The following KCNQ1 variants were observed in gnomAD, a reference collection of about 807,000 sequenced individuals.
KCNQ1 encodes potassium voltage-gated channel subfamily KQT member 1.
In KCNQ1, 49 loss-of-function variants were observed where a neutral mutation model predicts 72.4. The observed-to-expected ratio is 0.68, with a 90% confidence interval of 0.54 to 0.86. KCNQ1 has a LOEUF of 0.86. KCNQ1 is among the 40% of genes least tolerant of loss of function. KCNQ1 has a pLI of 0.00. For synonymous variants in KCNQ1, 450 were observed against 412.6 expected, an observed-to-expected ratio of 1.09 and a Z score of -1.10; for missense variants, 790 against 945.1, an observed-to-expected ratio of 0.84 and a Z score of 2.15.
chr11:2,570,692 G>A lies in KCNQ1; in HGVS notation c.542G>A (p.Arg181His). Residue 181 changes from arginine (R) to histidine (H), a missense_variant, in exon 3 of 16, where the codon CGC becomes CAC. Physicochemically the swap from Arg to His is conservative, Grantham distance 29 (BLOSUM62 0). Around this residue, in one of 5 missense-constraint regions of KCNQ1, gnomAD observed 294 missense variants for 323.3 expected, o/e 0.91. Coordinates refer to ENST00000155840, the MANE Select transcript of KCNQ1 (RefSeq NM_000218.3). Reference sequence around the variant, plus strand: ...GTCCGCCTCTGGTCCGCCGGCTGCCGCAGCAAGTACGTGGGCCTCTGGGGG... The same window carrying A: ...GTCCGCCTCTGGTCCGCCGGCTGCCACAGCAAGTACGTGGGCCTCTGGGGG... The part of the protein sequence containing the change: ...YVVRLWSAGC[R>H]SKYVGLWGRL... The A allele has an allele frequency of 1.9e-6, 3 of 1,612,560 alleles. No individual in the cohort carries two copies. The highest frequency in any genetic ancestry group is 2.2e-5 in the East Asian group (1 of 44,890).
At chr11:2,604,606 G>A (rs980411014) in intron 10 of KCNQ1, among the ~76,000 whole-genome samples, 4 of 150,404 alleles carry the variant, frequency 2.7e-5, no homozygotes, top group African/African-American at 7.5e-5. Flanking sequence ...GTGCAGTGGC[G>A]CGATCTGAGC....
intron 10 of KCNQ1, chr11:2,618,111 G>T (rs1222328984): frequency 7.5e-6 from 3 of 398,330 alleles, no homozygotes; most frequent in Non-Finnish European, 1.3e-5. Context: ...CCAGAGCCAT[G>T]TCGAGCTTTT....
At chr11:2,618,849 T>A in intron 10 of KCNQ1, 1 of 398,320 alleles carries the variant, frequency 2.5e-6, no homozygotes, top group Non-Finnish European at 4.4e-6. Context: ...TCTTGTTTAA[T>A]TTCTTTCATC....
At position 2,626,208 on chromosome 11, in the gene KCNQ1, T is replaced by C. The variant is rs79694931; in HGVS notation, c.1394-35753T>C. 1.3e-5 allele frequency: 5 copies of C among 398,506 alleles called. No individual in the cohort carries two copies. The highest frequency in any genetic ancestry group is 4.4e-6 in the Non-Finnish European group (1 of 226,072). The allele number at this position is 398,506 out of a possible 1,614,324, so 24.7% of individuals were successfully genotyped here. ...CATAGTTTTAGGACTTTGACCCATT[T>C]TGAGTAAGTTTTTGTACACAGTGTT... On this transcript the variant is annotated intron_variant, in intron 10 of 15. Transcript: ENST00000155840. The surrounding 1 kb of genome is among the most constrained non-coding windows in gnomAD (Gnocchi z 4.0).
chr11:2,615,041 CTATT>C (rs1259178124), intron 10 of KCNQ1: 1 of 398,266 alleles, frequency 2.5e-6, no homozygotes, highest in Non-Finnish European at 4.4e-6. Flanking sequence ...ATGTATAGTT[CTATT>C]TATTTAAGTC....
In KCNQ1 at chr11:2,516,046, G is replaced by A. The variant is rs551123889; in HGVS notation, c.387-11882G>A. ...GGCCTATCCGCCCACGCCCAGGCCA[G>A]GGCTCCTGCTGGAATCTCCCTGTGG... On this transcript the variant is annotated intron_variant, in intron 1 of 15. Coordinates refer to ENST00000155840, the MANE Select transcript of KCNQ1 (RefSeq NM_000218.3). The surrounding 1 kb of genome is among the most constrained non-coding windows in gnomAD (Gnocchi z 7.0). 5.9e-5 allele frequency among the ~76,000 whole-genome samples: 9 copies of A among 152,178 alleles called. No homozygotes were observed. In the South Asian group the frequency reaches 1.5e-3, roughly 25 times the overall value.
At chr11:2,594,175 C>T (rs1848706064) in intron 10 of KCNQ1, among the ~76,000 whole-genome samples, 1 of 152,020 alleles carries the variant, frequency 6.6e-6, no homozygotes, top group South Asian at 2.1e-4. Context: ...TTTTACTTTG[C>T]CTTTATTCTT....
rs1246870255 is a variant in KCNQ1, at chr11:2,494,606, A to G, written c.387-33322A>G. ...TTTTTCTGCATCTATTGAGATAATC[A>G]TGTGGTTTTTGTCATTGGTTCTGTT... On this transcript the variant is annotated intron_variant, in intron 1 of 15. Transcript: ENST00000155840. The surrounding 1 kb of genome is among the most constrained non-coding windows in gnomAD (Gnocchi z 4.6). Among the ~76,000 whole-genome samples the G allele has an allele frequency of 6.6e-6, 1 of 152,170 alleles. No individual in the cohort carries two copies. Among genetic ancestry groups the G allele is most frequent in the Non-Finnish European group, 1.5e-5 (1 of 68,044 alleles).
rs987206170 is a variant in KCNQ1, at chr11:2,682,753, G to A, written c.1514+20672G>A. On this transcript the variant is annotated intron_variant, in intron 11 of 15. Transcript: ENST00000155840. The surrounding 1 kb of genome is among the most constrained non-coding windows in gnomAD (Gnocchi z 5.8). The stretch of plus-strand genomic sequence containing the variant: ...CTTCCCCTTGAGCCCACTCATCTCT[G>A]TTGACATTCTAGAAATGCAGGGAAA... The A allele has an allele frequency of 2.5e-6, 1 of 398,556 alleles. No individual in the cohort carries two copies. Among genetic ancestry groups the A allele is most frequent in the Non-Finnish European group, 4.4e-6 (1 of 226,120 alleles). The allele number at this position is 398,556 out of a possible 1,614,324, so 24.7% of individuals were successfully genotyped here. A position where few individuals can be genotyped will look rare whatever the true frequency, so the allele number is the denominator to read the frequency against.
chr11:2,757,138 A>G (rs1846317052), intron 11 of KCNQ1, among the ~76,000 whole-genome samples: 1 of 152,098 alleles, frequency 6.6e-6, no homozygotes, highest in African/African-American at 2.4e-5. Flanking sequence ...GAAATGGGAC[A>G]TGTAGATTAG....
intron 10 of KCNQ1, among the ~76,000 whole-genome samples, chr11:2,604,101 A>T (rs1589976857): frequency 6.6e-6 from 1 of 152,174 alleles, no homozygotes; most frequent in Non-Finnish European, 1.5e-5. Context: ...TTGTTTCCAC[A>T]TTTTGACTAC....
At chr11:2,779,068 G>T (rs1336971806) in intron 15 of KCNQ1, among the ~76,000 whole-genome samples, 1 of 152,260 alleles carries the variant, frequency 6.6e-6, no homozygotes, top group East Asian at 1.9e-4. Context: ...GCCCCATGGG[G>T]CTGTGTGACC....
At chr11:2,846,334 CGT>C in intron 15 of KCNQ1, among the ~76,000 whole-genome samples, 1 of 152,196 alleles carries the variant, frequency 6.6e-6, no homozygotes, top group Non-Finnish European at 1.5e-5. Flanking sequence ...GCCCTTATCG[CGT>C]GCTGATCTGT....
intron 11 of KCNQ1, chr11:2,689,095 T>TA (rs1404082239): frequency 2.5e-6 from 1 of 398,610 alleles, no homozygotes; most frequent in African/African-American, 2.1e-5. Context: ...GGAAGTTGGG[T>TA]AGTCTGGCCC....
rs1847853899 is a variant in KCNQ1, at chr11:2,826,971, G to A, written c.1795-20796G>A. Among the ~76,000 whole-genome samples the A allele has an allele frequency of 6.6e-6, 1 of 152,218 alleles. No individual in the cohort carries two copies. Among genetic ancestry groups the A allele is most frequent in the Admixed American group, 6.5e-5 (1 of 15,290 alleles). On this transcript the variant is annotated intron_variant, in intron 15 of 15. Transcript: ENST00000155840. This position sits in a 1 kb window ranked among gnomAD's most constrained non-coding sequence, Gnocchi z 4.2. Reference sequence around the variant, plus strand: ...GGGAAGGGGACATCTCCAAGGAGGTGACATCGGAGCAGTCCTCTAAGGAGT... The same window carrying A: ...GGGAAGGGGACATCTCCAAGGAGGTAACATCGGAGCAGTCCTCTAAGGAGT...
chr11:2,445,198 T>C lies in KCNQ1; in HGVS notation c.100T>C (p.Cys34Arg). 1 of 1,146,168 alleles carries C rather than the reference T, an allele frequency of 8.7e-7. No homozygotes were observed. The highest frequency in any genetic ancestry group is 2.8e-5 in the South Asian group (1 of 35,326). 71.0% of individuals were successfully genotyped at this position (1,146,168 alleles called of 1,614,324 possible). A position where few individuals can be genotyped will look rare whatever the true frequency, so the allele number is the denominator to read the frequency against. ...GGGCAGCGCGGGCCTGGCCAAGAAG[T>C]GCCCCTTCTCGCTGGAGCTGGCGGA... ...RRGSAGLAKKCPFSLELAEGG... is the reference protein window; with the variant it reads ...RRGSAGLAKKRPFSLELAEGG... The change falls in exon 1 of 16, where the codon TGC becomes CGC. Residue 34 changes from cysteine to arginine, a missense_variant. By Grantham distance (180) the Cys-to-Arg change is radical. This residue lies in a region of KCNQ1 where 294 missense variants were observed against 323.3 expected (regional missense o/e 0.91). Coordinates refer to ENST00000155840, the MANE Select transcript of KCNQ1 (RefSeq NM_000218.3).
intron 15 of KCNQ1, among the ~76,000 whole-genome samples, chr11:2,801,248 C>A (rs1184744668): frequency 6.6e-6 from 1 of 152,208 alleles, no homozygotes. Context: ...TGTAGGTGGA[C>A]TGGCTTCTGA....
intron 15 of KCNQ1, among the ~76,000 whole-genome samples, chr11:2,840,988 T>TCTGGGAGA (rs1848197595): frequency 6.6e-6 from 1 of 152,090 alleles, no homozygotes. Context: ...GGCTCCAGGC[T>TCTGGGAGA]CTGGGAGACT....
intron 10 of KCNQ1, chr11:2,618,920 C>A (rs923225363): frequency 7.5e-6 from 3 of 398,076 alleles, no homozygotes; most frequent in African/African-American, 6.2e-5. Flanking sequence ...TATTCCTAAG[C>A]AATTTTTTTG....
Sources: gnomAD v4.1 joint callset for allele counts (sites outside exome capture counted in the v4.1 genomes callset) on GRCh38, gnomAD v4.1.1 for gene constraint, gnomAD v4.1.1 regional missense constraint, Gnocchi (gnomAD v3.1) non-coding constraint, MANE v1.5 for transcripts, NCBI Gene and HGNC (gene_info 2026-07-23, HGNC 2026-07-21) for gene names.